TET1: variants seen among roughly 807,000 people sequenced by gnomAD.
TET1 encodes the protein methylcytosine dioxygenase TET1.
Under a neutral mutation model 148.7 loss-of-function variants are expected in TET1, and 13 were observed. The ratio of observed to expected loss-of-function variants is 0.09; its 90% CI spans 0.06 to 0.14. The LOEUF is 0.14. Ranked by LOEUF, TET1 falls within the 10% of genes least tolerant of loss-of-function variation. TET1 has a pLI of 1.00. For missense variants in TET1, 2,182 were observed against 2,553.8 expected, an observed-to-expected ratio of 0.85 and a Z score of 3.14; for synonymous variants, 907 against 937.2, an observed-to-expected ratio of 0.97 and a Z score of 0.59.
Position 68,646,597 on chromosome 10 carries a change from G to A in TET1, c.3868G>A (p.Val1290Met). 2 of 1,614,168 alleles carry A rather than the reference G, an allele frequency of 1.2e-6. No homozygotes were observed. The highest frequency in any genetic ancestry group is 1.1e-5 in the South Asian group (1 of 91,072). ...KAYNSQVQLT[V>M]NANQKAHPLT... is the part of the protein sequence containing the mutation. Reference sequence around the variant, plus strand: ...TTATAATTCTCAGGTACAGTTAACGGTGAATGCCAATCAGAAAGCCCATCC... The same window carrying A: ...TTATAATTCTCAGGTACAGTTAACGATGAATGCCAATCAGAAAGCCCATCC... Residue 1290 changes from valine to methionine, a missense_variant, in exon 4 of 12, where the codon GTG becomes ATG. Val to Met is a conservative substitution (Grantham distance 21). Around this residue, in one of 11 missense-constraint regions of TET1, gnomAD observed 582 missense variants for 599.5 expected, o/e 0.97. Transcript: ENST00000373644.
chr10:68,628,228 T>G (rs2054517261), intron 3 of TET1, among the ~76,000 whole-genome samples: 1 of 152,180 alleles, frequency 6.6e-6, no homozygotes, highest in South Asian at 2.1e-4. Context: ...GTTACAGGCA[T>G]GAGCCACTGC....
At chr10:68,589,000 G>A (rs1452750859) in intron 2 of TET1, among the ~76,000 whole-genome samples, 1 of 152,038 alleles carries the variant, frequency 6.6e-6, no homozygotes, top group Non-Finnish European at 1.5e-5. Context: ...GTGAGTGCCT[G>A]TAGTCTCAGC....
intron 5 of TET1, 52 bp downstream of exon 5, chr10:68,651,988 A>G: frequency 6.8e-7 from 1 of 1,474,904 alleles, no homozygotes; most frequent in Non-Finnish European, 9.4e-7. Context: ...GATCTGACTC[A>G]ACGGAGATAA....
intron 6 of TET1, among the ~76,000 whole-genome samples, chr10:68,666,813 G>C (rs1466651751): frequency 6.6e-6 from 1 of 152,160 alleles, no homozygotes; most frequent in East Asian, 1.9e-4. Context: ...GCCGGGCATG[G>C]AGGCACATGT....
intron 6 of TET1, among the ~76,000 whole-genome samples, chr10:68,654,170 G>T (rs2054985509): frequency 6.8e-6 from 1 of 147,322 alleles, no homozygotes; most frequent in Non-Finnish European, 1.5e-5. Flanking sequence ...GAACATTTAA[G>T]CTGAGAAAGG....
intron 2 of TET1, among the ~76,000 whole-genome samples, chr10:68,593,230 C>CAAAAAAA (rs576381158): frequency 2.3e-5 from 1 of 43,184 alleles, no homozygotes; most frequent in African/African-American, 8.0e-5. Flanking sequence ...AACTCTGTCT[C>CAAAAAAA]AAAAAAAAAA....
At chr10:68,595,609 C>CTTTTTTTTTTTTT (rs1564958558) in intron 2 of TET1, among the ~76,000 whole-genome samples, 2 of 89,386 alleles carry the variant, frequency 2.2e-5, no homozygotes, top group Non-Finnish European at 4.3e-5. Flanking sequence ...ACACACACAG[C>CTTTTTTTTTTTTT]TTCTTTTTTT....
At chr10:68,662,853 G>T (rs750699523) in intron 6 of TET1, among the ~76,000 whole-genome samples, 3 of 152,154 alleles carry the variant, frequency 2.0e-5, no homozygotes, top group Non-Finnish European at 4.4e-5. Context: ...GATGTTAAAG[G>T]CTGCATACAG....
chr10:68,609,308 T>A (rs1390271157), intron 3 of TET1, among the ~76,000 whole-genome samples: 3 of 152,186 alleles, frequency 2.0e-5, no homozygotes, highest in Admixed American at 2.0e-4. Context: ...ATTACAGGCA[T>A]GTGCCACCAC....
chr10:68,652,267 C>T (rs2054947586), intron 5 of TET1, among the ~76,000 whole-genome samples: 1 of 152,182 alleles, frequency 6.6e-6, no homozygotes, highest in South Asian at 2.1e-4. Flanking sequence ...TTGTCTGGCA[C>T]TCAGCCTATT....
intron 4 of TET1, among the ~76,000 whole-genome samples, chr10:68,648,911 T>G (rs566221093): frequency 2.6e-5 from 4 of 152,166 alleles, no homozygotes; most frequent in Non-Finnish European, 4.4e-5. Context: ...CCACACCAGC[T>G]AACACACAGT....
At chr10:68,673,722 C>T (rs2055305842) in intron 8 of TET1, among the ~76,000 whole-genome samples, 1 of 151,922 alleles carries the variant, frequency 6.6e-6, no homozygotes, top group Admixed American at 6.6e-5. Context: ...ATCTTTTAAT[C>T]TTTGAGCAGT....
At chr10:68,596,042 A>ATATATATG (rs1327877827) in intron 2 of TET1, among the ~76,000 whole-genome samples, 2 of 138,756 alleles carry the variant, frequency 1.4e-5, no homozygotes, top group African/African-American at 5.5e-5. Flanking sequence ...ATATATATAT[A>ATATATATG]TACACATTTT....
rs753954083 is a variant in TET1, at chr10:68,690,812, T to A, written c.5409T>A (p.Ser1803Arg). The A allele has an allele frequency of 1.9e-6, 3 of 1,592,528 alleles. No individual in the cohort carries two copies. The highest frequency in any genetic ancestry group is 2.2e-5 in the South Asian group (2 of 89,074). The change falls in exon 12 of 12, where the codon AGT (serine) becomes AGA (arginine). Residue 1803 changes from serine to arginine, a missense_variant. Physicochemically the swap from Ser to Arg is moderately radical, Grantham distance 110 (BLOSUM62 -1). Transcript: ENST00000373644. Reference protein sequence around the residue: ...SKPSSLPTLGSNTETVQPEVK... With the variant: ...SKPSSLPTLGRNTETVQPEVK... ...ACATTTGGTGTCCTTGTTTAGGGAG[T>A]AACACTGAGACCGTGCAACCTGAAG... is the stretch of plus-strand genomic sequence containing the variant.
intron 2 of TET1, among the ~76,000 whole-genome samples, chr10:68,595,981 TATACACACACACACAC>T (rs2053980743): frequency 4.9e-5 from 2 of 40,838 alleles, no homozygotes; most frequent in African/African-American, 1.7e-4. Flanking sequence ...CACACACATA[TATACACACACACACAC>T]ACACACACAC....
intron 3 of TET1, among the ~76,000 whole-genome samples, chr10:68,607,844 A>G (rs2054147495): frequency 6.7e-6 from 1 of 148,924 alleles, no homozygotes; most frequent in South Asian, 2.1e-4. Flanking sequence ...ATATAAATAT[A>G]AATATATATT....
At chr10:68,568,278 A>G (rs1043686699) in intron 1 of TET1, among the ~76,000 whole-genome samples, 14 of 135,402 alleles carry the variant, frequency 1.0e-4, no homozygotes, top group Non-Finnish European at 2.1e-4. Context: ...GCTGGAGTGC[A>G]ATGGTGCGAT....
At chr10:68,624,099 C>CTTTTTTTTTTTTTTTTTTTTTTTTT (rs773374173) in intron 3 of TET1, among the ~76,000 whole-genome samples, 1 of 148,032 alleles carries the variant, frequency 6.8e-6, no homozygotes, top group Non-Finnish European at 1.5e-5. Flanking sequence ...TTCTTTCTTT[C>CTTTTTTTTTTTTTTTTTTTTTTTTT]TTTTCTTTTT....
intron 3 of TET1, among the ~76,000 whole-genome samples, chr10:68,624,222 A>C (rs772672614): frequency 1.1e-4 from 17 of 149,708 alleles, no homozygotes; most frequent in Non-Finnish European, 2.5e-4. Flanking sequence ...TCAGCCTCCC[A>C]AGTAGCTGGG....
Sources: gnomAD v4.1 joint callset for allele counts (sites outside exome capture counted in the v4.1 genomes callset) on GRCh38, gnomAD v4.1.1 for gene constraint, gnomAD v4.1.1 regional missense constraint, MANE v1.5 for transcripts, NCBI Gene and HGNC (gene_info 2026-07-23, HGNC 2026-07-21) for gene names.